The following XYLT1 variants were observed in gnomAD, a reference collection of about 807,000 sequenced individuals.
XYLT1 encodes the protein beta-D-xylosyltransferase 1.
A neutral mutation model predicts 91.3 loss-of-function variants in XYLT1; 36 were observed. The observed-to-expected ratio is 0.39, with a 90% CI of 0.30 to 0.52. The LOEUF (loss-of-function observed/expected upper bound fraction) is 0.52. XYLT1 is among the 20% of genes least tolerant of loss of function. The pLI, the probability that XYLT1 is intolerant of heterozygous loss-of-function variation, is 0.68. For missense variants in XYLT1, 1,242 were observed against 1,284.5 expected, an observed-to-expected ratio of 0.97 and a Z score of 0.51; for synonymous variants, 588 against 532.0, an observed-to-expected ratio of 1.11 and a Z score of -1.45.
rs1012256361 is a variant in XYLT1 at position 17,347,660 on chromosome 16, C to T, written c.402+10352G>A. Among the ~76,000 whole-genome samples the T allele has an allele frequency of 1.4e-4, 22 of 152,252 alleles. 1 individual carries two copies. Among genetic ancestry groups the T allele is most frequent in the Admixed American group, 2.0e-4 (3 of 15,290 alleles). On this transcript the variant is annotated intron_variant, in intron 2 of 11. Transcript: ENST00000261381. The stretch of plus-strand genomic sequence containing the variant: ...CCTCTCCTCCACTGGAAGACCCTCT[C>T]CTTTAATCAAAACATGACACAAGAT...
At chr16:17,402,385 A>G (rs2035981549) in intron 1 of XYLT1, among the ~76,000 whole-genome samples, 2 of 152,232 alleles carry the variant, frequency 1.3e-5, no homozygotes, top group Admixed American at 6.5e-5. Context: ...CGAAGTGTAC[A>G]CAGTTTAAAA....
At chr16:17,212,989 C>A (rs1187450723) in intron 3 of XYLT1, among the ~76,000 whole-genome samples, 2 of 152,194 alleles carry the variant, frequency 1.3e-5, no homozygotes, top group African/African-American at 4.8e-5. Flanking sequence ...GTGCCAGGTC[C>A]TGGGCTGAGC....
At chr16:17,406,099 C>T (rs2036029970) in intron 1 of XYLT1, among the ~76,000 whole-genome samples, 4 of 152,138 alleles carry the variant, frequency 2.6e-5, no homozygotes, top group East Asian at 1.9e-4. Context: ...GCAGGAGAAT[C>T]GCTTGAACCT....
chr16:17,350,504 C>A (rs2035206115), intron 2 of XYLT1, among the ~76,000 whole-genome samples: 1 of 152,208 alleles, frequency 6.6e-6, no homozygotes. Context: ...GGTCACCTCC[C>A]TGCCCCACCA....
At chr16:17,428,658 C>T (rs1383256243) in intron 1 of XYLT1, among the ~76,000 whole-genome samples, 2 of 152,152 alleles carry the variant, frequency 1.3e-5, no homozygotes, top group African/African-American at 2.4e-5. Context: ...CATCTGTAGC[C>T]GCAGCCCACT....
At chr16:17,384,959 C>A (rs1018524707) in intron 1 of XYLT1, among the ~76,000 whole-genome samples, 13 of 151,782 alleles carry the variant, frequency 8.6e-5, no homozygotes, top group Admixed American at 6.6e-5. Flanking sequence ...TCAATCTACA[C>A]CTGACAGAGG....
intron 1 of XYLT1, among the ~76,000 whole-genome samples, chr16:17,427,803 T>C (rs2036337918): frequency 1.3e-5 from 2 of 152,128 alleles, no homozygotes; most frequent in Admixed American, 1.3e-4. Context: ...GCCAGCTACA[T>C]ACATTTCACT....
chr16:17,218,425 A>C (rs2032901689), intron 3 of XYLT1, among the ~76,000 whole-genome samples: 1 of 151,936 alleles, frequency 6.6e-6, no homozygotes, highest in Admixed American at 6.5e-5. Flanking sequence ...GGGTAATGAC[A>C]AGAACTTACT....
At position 17,429,969 on chromosome 16, in the gene XYLT1, C is replaced by T. The variant is rs12102908; in HGVS notation, c.363+40465G>A. Among the ~76,000 whole-genome samples the T allele has an allele frequency of 6.3e-3, 895 of 141,704 alleles. 12 individuals are homozygous for T. Among genetic ancestry groups the T allele is most frequent in the African/African-American group, 0.022 (815 of 37,164 alleles). The allele number at this position is 141,704 out of a possible 152,430, so 93.0% of individuals were successfully genotyped here. On this transcript the variant is annotated intron_variant, in intron 1 of 11. Coordinates refer to ENST00000261381, the MANE Select transcript of XYLT1 (RefSeq NM_022166.4). ...TTTTTTTTTTTGAGACAGAGTCTTGCTCGGTCGCCCAGGCTGGAGTGCAGT... is the reference window on the plus strand; with the variant it reads ...TTTTTTTTTTTGAGACAGAGTCTTGTTCGGTCGCCCAGGCTGGAGTGCAGT...
chr16:17,394,250 T>G (rs1242468117), intron 1 of XYLT1, among the ~76,000 whole-genome samples: 1 of 152,226 alleles, frequency 6.6e-6, no homozygotes, highest in Non-Finnish European at 1.5e-5. Flanking sequence ...TAGCCCCATG[T>G]GGCTGCTGGC....
At chr16:17,303,694 C>T (rs182827127) in intron 2 of XYLT1, among the ~76,000 whole-genome samples, 12 of 152,274 alleles carry the variant, frequency 7.9e-5, no homozygotes, top group Non-Finnish European at 1.0e-4. Flanking sequence ...AATCATTTCA[C>T]GCCACATGTC....
chr16:17,339,619 A>C (rs1435249748), intron 2 of XYLT1, among the ~76,000 whole-genome samples: 3 of 152,158 alleles, frequency 2.0e-5, no homozygotes, highest in African/African-American at 7.2e-5. Flanking sequence ...AAATATTCAG[A>C]GAAGGGGAGC....
intron 2 of XYLT1, among the ~76,000 whole-genome samples, chr16:17,315,035 G>T (rs1261738037): frequency 6.6e-6 from 1 of 152,282 alleles, no homozygotes. Context: ...GCAGAGTCAA[G>T]ACTTCATCTG....
chr16:17,108,680 T>G lies in XYLT1; in HGVS notation c.*15A>C, dbSNP rs1348581521. On this transcript the variant is annotated 3_prime_UTR_variant, in exon 12 of 12. Coordinates refer to ENST00000261381, the MANE Select transcript of XYLT1 (RefSeq NM_022166.4). ...CCGTTGAGATCCTGCTGTGGCCCAC[T>G]CCTCGTGCCCAGTGCTACCTGAGCC... 2.6e-6 allele frequency: 4 copies of G among 1,544,846 alleles called. No homozygotes were observed. In the African/African-American group the frequency reaches 5.4e-5, roughly 21 times the overall value.
chr16:17,169,799 A>C (rs1247794643), intron 5 of XYLT1, among the ~76,000 whole-genome samples: 3 of 152,244 alleles, frequency 2.0e-5, no homozygotes, highest in Non-Finnish European at 4.4e-5. Context: ...ACATTTAGTT[A>C]ACCAAATTCT....
intron 5 of XYLT1, among the ~76,000 whole-genome samples, chr16:17,166,001 G>A (rs2031671472): frequency 6.6e-6 from 1 of 152,238 alleles, no homozygotes; most frequent in Non-Finnish European, 1.5e-5. Context: ...GCATGGGGAG[G>A]AAGAAGGAAA....
At chr16:17,367,074 T>C (rs2035464664) in intron 1 of XYLT1, among the ~76,000 whole-genome samples, 1 of 152,088 alleles carries the variant, frequency 6.6e-6, no homozygotes, top group African/African-American at 2.4e-5. Flanking sequence ...ATGGTAATAA[T>C]CATCACCATG....
intron 11 of XYLT1, among the ~76,000 whole-genome samples, chr16:17,115,001 T>C (rs112123325): frequency 0.057 from 8,610 of 151,884 alleles, 801 homozygotes; most frequent in African/African-American, 0.19. Flanking sequence ...CCCACCACCA[T>C]GCCCAGCTAA....
chr16:17,397,659 A>C (rs1483101102), intron 1 of XYLT1, among the ~76,000 whole-genome samples: 1 of 152,094 alleles, frequency 6.6e-6, no homozygotes, highest in East Asian at 1.9e-4. Flanking sequence ...AGAAAACTAA[A>C]GTTCAGAGAG....
Sources: gnomAD v4.1 joint callset for allele counts (sites outside exome capture counted in the v4.1 genomes callset) on GRCh38, gnomAD v4.1.1 for gene constraint, MANE v1.5 for transcripts, NCBI Gene and HGNC (gene_info 2026-07-23, HGNC 2026-07-21) for gene names.